The following CDKL4 variants were observed in gnomAD, a reference collection of about 807,000 sequenced individuals.
CDKL4 encodes cyclin-dependent kinase-like 4.
In CDKL4, 44 loss-of-function variants were observed where a neutral mutation model predicts 42.0. The ratio of observed to expected loss-of-function variants is 1.05; its 90% CI spans 0.82 to 1.35. CDKL4 has a LOEUF of 1.35. Among genes scored for constraint, CDKL4 ranks in the 40% most tolerant of loss-of-function variants. The pLI, the probability that CDKL4 is intolerant of heterozygous loss-of-function variation, is 0.00. For synonymous variants in CDKL4, 120 were observed against 121.6 expected (o/e 0.99, Z 0.09); for missense variants, 393 against 369.9 (o/e 1.06, Z -0.51).
chr2:39,237,635 T>C (rs1383181553), intron 1 of CDKL4, among the ~76,000 whole-genome samples: 2 of 152,340 alleles, frequency 1.3e-5, no homozygotes, highest in East Asian at 3.9e-4. Context: ...GTGGGAGGAT[T>C]GCTTGAGGCC....
At chr2:39,180,760 G>A (rs571173646) in intron 8 of CDKL4, among the ~76,000 whole-genome samples, 5 of 146,738 alleles carry the variant, frequency 3.4e-5, no homozygotes, top group Middle Eastern at 3.6e-3. Context: ...GCGCCACCTC[G>A]GCTCACTGCA....
chr2:39,224,176 T>C (rs963035428), intron 3 of CDKL4, among the ~76,000 whole-genome samples: 9 of 152,202 alleles, frequency 5.9e-5, no homozygotes, highest in Non-Finnish European at 1.3e-4. Context: ...TTTATGGTAC[T>C]TTTTTGTCAA....
intron 3 of CDKL4, among the ~76,000 whole-genome samples, chr2:39,222,809 C>G (rs2148376346): frequency 6.6e-6 from 1 of 152,124 alleles, no homozygotes; most frequent in East Asian, 1.9e-4. Flanking sequence ...ATGAAGTAAG[C>G]ATAAATTTCT....
At chr2:39,246,792 A>G (rs929432874), upstream of CDKL4, among the ~76,000 whole-genome samples, 2 of 152,002 alleles carry the variant, frequency 1.3e-5, no homozygotes, top group Non-Finnish European at 2.9e-5. Flanking sequence ...TGCCTAGGCT[A>G]AAGTGCAGTG....
At chr2:39,232,901 C>G (rs1573027869) in intron 1 of CDKL4, among the ~76,000 whole-genome samples, 1 of 151,572 alleles carries the variant, frequency 6.6e-6, no homozygotes, top group African/African-American at 2.4e-5. Context: ...AAAAATTAGC[C>G]AGGCATGGTG....
In CDKL4 at chr2:39,235,046, T is replaced by G. The variant is rs117439158; in HGVS notation, c.-56-5458A>C. On this transcript the variant is annotated intron_variant, in intron 1 of 9. Coordinates refer to ENST00000451199, the Ensembl canonical transcript of CDKL4. ...TGGGACCACACCTGGTTAATATTAT[T>G]TATTTATTTTTGTAAAGATGGGGTC... 3.2e-4 allele frequency among the ~76,000 whole-genome samples: 49 copies of G among 152,168 alleles called. No individual in the cohort carries two copies. The East Asian group carries it at 9.5e-3, about 29-fold the overall frequency.
At chr2:39,181,177 G>A (rs578240064) in intron 8 of CDKL4, among the ~76,000 whole-genome samples, 1 of 152,186 alleles carries the variant, frequency 6.6e-6, no homozygotes, top group African/African-American at 2.4e-5. Context: ...TACTGACCAA[G>A]CCCTCCTTGA....
upstream of CDKL4, among the ~76,000 whole-genome samples, chr2:39,246,017 C>G (rs1336068588): frequency 6.6e-6 from 1 of 152,162 alleles, no homozygotes; most frequent in Non-Finnish European, 1.5e-5. Flanking sequence ...TTGGCTAGAG[C>G]TTACCCATTT....
chr2:39,198,225 A>T (rs937214943), intron 5 of CDKL4, among the ~76,000 whole-genome samples: 33 of 148,676 alleles, frequency 2.2e-4, no homozygotes, highest in African/African-American at 8.1e-4. Flanking sequence ...AAGCAACAGC[A>T]GTTAAAAAAG....
chr2:39,224,498 A>ATT (rs1171458286), intron 3 of CDKL4, among the ~76,000 whole-genome samples: 1,737 of 132,624 alleles, frequency 0.013, 46 homozygotes, highest in African/African-American at 0.047. Flanking sequence ...TTCTCCACTA[A>ATT]TTTTTTTTTT....
In CDKL4 at chr2:39,221,001, G is replaced by GT. The variant is rs1678311355; in HGVS notation, c.290+4837dup. ...CTTTTTTTTTTTTTTTTTTTTTTTTGTTTTTTTTTTTGTTTTGTTTTTGTT... is the reference window on the plus strand; with the variant it reads ...CTTTTTTTTTTTTTTTTTTTTTTTTGTTTTTTTTTTTTGTTTTGTTTTTGTT... On this transcript the variant is annotated intron_variant, in intron 3 of 9. Coordinates refer to ENST00000451199, the Ensembl canonical transcript of CDKL4. 1.3e-3 allele frequency among the ~76,000 whole-genome samples: 101 copies of GT among 78,804 alleles called. 1 individual carries two copies. The highest frequency in any genetic ancestry group is 2.9e-3 in the South Asian group (5 of 1,704). 51.7% of individuals were successfully genotyped at this position (78,804 alleles called of 152,430 possible). A position where few individuals can be genotyped will look rare whatever the true frequency, so the allele number is the denominator to read the frequency against.
intron 7 of CDKL4, among the ~76,000 whole-genome samples, chr2:39,186,295 G>A (rs190809387): frequency 2.2e-4 from 33 of 152,260 alleles, no homozygotes; most frequent in African/African-American, 7.7e-4. Flanking sequence ...AGGGTGTCTA[G>A]AGATGGTTGG....
intron 3 of CDKL4, among the ~76,000 whole-genome samples, chr2:39,223,289 G>A (rs548732276): frequency 8.2e-4 from 125 of 152,060 alleles, no homozygotes; most frequent in African/African-American, 3.0e-3. Context: ...GCCCTCATCT[G>A]ATTATTTTCT....
chr2:39,225,359 C>A (rs180790444), intron 3 of CDKL4, among the ~76,000 whole-genome samples: 3 of 151,236 alleles, frequency 2.0e-5, no homozygotes, highest in Non-Finnish European at 4.4e-5. Flanking sequence ...GAGCTGAGAT[C>A]GCGCCACTGC....
At chr2:39,235,521 G>A (rs1355716737) in intron 1 of CDKL4, among the ~76,000 whole-genome samples, 1 of 152,160 alleles carries the variant, frequency 6.6e-6, no homozygotes, top group Non-Finnish European at 1.5e-5. Context: ...GAGGCCTGAG[G>A]ATTGATTGAG....
exon 9 of CDKL4, chr2:39,179,218 C>G (rs370476409): frequency 6.2e-7 from 1 of 1,612,900 alleles, no homozygotes; most frequent in South Asian, 1.1e-5. Context: ...TCCTTCATTA[C>G]GTGCTTTTCT....
At chr2:39,198,582 A>G (rs1676658512) in intron 5 of CDKL4, among the ~76,000 whole-genome samples, 1 of 152,148 alleles carries the variant, frequency 6.6e-6, no homozygotes, top group Admixed American at 6.6e-5. Context: ...GATAGACCAT[A>G]TAATAGGCCA....
chr2:39,230,727 T>C (rs1199346962), intron 1 of CDKL4, among the ~76,000 whole-genome samples: 1 of 152,224 alleles, frequency 6.6e-6, no homozygotes, highest in Admixed American at 6.5e-5. Flanking sequence ...TAATGGCACT[T>C]AACATTGTTC....
At chr2:39,229,444 A>T in exon 2 of CDKL4, 1 of 1,613,454 alleles carries the variant, frequency 6.2e-7, no homozygotes, top group Admixed American at 1.7e-5. Flanking sequence ...TTTAACAGCT[A>T]CTACTTGTCC....
Sources: allele counts gnomAD v4.1 joint callset (sites outside exome capture counted in the v4.1 genomes callset), GRCh38; gene constraint gnomAD v4.1.1; transcripts MANE v1.5; gene names NCBI Gene and HGNC (gene_info 2026-07-23, HGNC 2026-07-21).